The following RUSC1 variants were observed in gnomAD, a reference collection of about 807,000 sequenced individuals.
RUSC1 encodes the protein AP-4 complex accessory subunit RUSC1.
Under a neutral mutation model 72.1 loss-of-function variants are expected in RUSC1, and 40 were observed. The ratio of observed to expected loss-of-function variants is 0.55; its 90% CI spans 0.43 to 0.72. The LOEUF is 0.72. Ranked by LOEUF, RUSC1 falls within the 30% of genes least tolerant of loss-of-function variation. The probability of loss-of-function intolerance (pLI) is 0.00; values close to 1 mark genes in which losing one functional copy is unlikely to be tolerated. For synonymous variants in RUSC1, 512 were observed against 494.2 expected, an observed-to-expected ratio of 1.04 and a Z score of -0.48; for missense variants, 1,092 against 1,172.3, an observed-to-expected ratio of 0.93 and a Z score of 1.00.
chr1:155,330,460 G>T lies in RUSC1; in HGVS notation c.2598G>T (p.Arg866=). ...TAARPDQLSF[R]RGEVLRVITT... ...CAAGACCTGACCAGTTGAGCTTCCG[G>T]CGTGGGGAAGTGCTGCGTGTCATCA... The change falls in exon 10 of 10, where the codon CGG becomes CGT. Residue 866 remains arginine (R), a synonymous_variant. Coordinates refer to ENST00000368352, the MANE Select transcript of RUSC1 (RefSeq NM_001105203.2). 5 of 1,613,748 alleles carry T rather than the reference G, an allele frequency of 3.1e-6. No individual in the cohort carries two copies. Among genetic ancestry groups the T allele is most frequent in the Non-Finnish European group, 4.2e-6 (5 of 1,180,048 alleles).
In RUSC1 at chr1:155,325,402, G is replaced by T. The variant is rs773330576; in HGVS notation, c.1620G>T (p.Ala540=). The change falls in exon 5 of 10, where the codon GCG becomes GCT. Residue 540 remains alanine (A), a synonymous_variant. Coordinates refer to ENST00000368352, the MANE Select transcript of RUSC1 (RefSeq NM_001105203.2). The surrounding 1 kb of genome is among the most constrained non-coding windows in gnomAD (Gnocchi z 6.5). The part of the protein sequence containing the change: ...TLCPALHALV[A]DGLKPFRKDL... ...GCCCGGCCCTCCACGCCCTGGTGGC[G>T]GACGGGCTGAAGCCTTTCCGGAAGG... 64 of 1,592,104 alleles carry T rather than the reference G, an allele frequency of 4.0e-5. No individual in the cohort carries two copies. Among genetic ancestry groups the T allele is most frequent in the Non-Finnish European group, 4.9e-5 (58 of 1,173,672 alleles).
At chr1:155,324,233 C>A in intron 2 of RUSC1, 1 of 1,447,968 alleles carries the variant, frequency 6.9e-7, no homozygotes, top group African/African-American at 1.4e-5. Context: ...AGCTCATTGG[C>A]ACTAGAGGTT....
chr1:155,324,191 G>A, intron 2 of RUSC1: 1 of 1,399,892 alleles, frequency 7.1e-7, no homozygotes, highest in Non-Finnish European at 9.3e-7. Context: ...CCCCGACCTT[G>A]CTAGGGAGGG....
chr1:155,321,099 G>A, intron 1 of RUSC1, 108 bp downstream of exon 1: 1 of 1,394,212 alleles, frequency 7.2e-7, no homozygotes, highest in Non-Finnish European at 9.6e-7. Flanking sequence ...GGTGGTGGCT[G>A]AACGATGGAG....
At position 155,330,631 on chromosome 1, in the gene RUSC1, G is replaced by A; in HGVS notation, c.*60G>A. ...CTGTCACCTGGGAATGGAATGGCCA[G>A]TGAACACCATCCCAGAAGCATTTTC... On this transcript the variant is annotated 3_prime_UTR_variant, in exon 10 of 10. Coordinates refer to ENST00000368352, the MANE Select transcript of RUSC1 (RefSeq NM_001105203.2). The A allele has an allele frequency of 1.5e-5, 21 of 1,448,054 alleles. No individual in the cohort carries two copies. In the South Asian group the frequency reaches 2.6e-4, roughly 18 times the overall value. 89.7% of individuals were successfully genotyped at this position (1,448,054 alleles called of 1,614,324 possible). A position where few individuals can be genotyped will look rare whatever the true frequency, so the allele number is the denominator to read the frequency against.
rs780611972 is a variant in RUSC1 at position 155,326,868 on chromosome 1, C to A, written c.2150C>A (p.Pro717His). ...RGTSKEAASDPSDSPNLPTPG... is the reference protein window; with the variant it reads ...RGTSKEAASDHSDSPNLPTPG... ...ACTTCCAAGGAAGCTGCTTCAGACC[C>A]CTCTGACTCTCCAAACCTTCCCACA... The change falls in exon 8 of 10, where the codon CCC becomes CAC. Residue 717 changes from proline (P) to histidine (H), a missense_variant. Physicochemically the swap from Pro to His is moderately conservative, Grantham distance 77. Transcript: ENST00000368352. The surrounding 1 kb of genome is among the most constrained non-coding windows in gnomAD (Gnocchi z 4.7). 2 of 1,613,752 alleles carry A rather than the reference C, an allele frequency of 1.2e-6. No homozygotes were observed. The highest frequency in any genetic ancestry group is 1.7e-6 in the Non-Finnish European group (2 of 1,180,038).
In RUSC1 at chr1:155,321,878, G is replaced by T; in HGVS notation, c.105G>T (p.Gly35=). The part of the protein sequence containing the change: ...HLSRRPELQE[G]PLSTPPPPGD... ...CCCGCCGTCCTGAGCTACAGGAGGGGCCTTTGAGCACACCCCCTCCTCCAG... is the reference window on the plus strand; with the variant it reads ...CCCGCCGTCCTGAGCTACAGGAGGGTCCTTTGAGCACACCCCCTCCTCCAG... Residue 35 remains glycine, a synonymous_variant, in exon 2 of 10, where the codon GGG becomes GGT. Transcript: ENST00000368352. 1 of 1,613,268 alleles carries T rather than the reference G, an allele frequency of 6.2e-7. No individual in the cohort carries two copies. The highest frequency in any genetic ancestry group is 2.2e-5 in the East Asian group (1 of 44,882).
chr1:155,322,951 G>A lies in RUSC1; in HGVS notation c.1178G>A (p.Gly393Asp). The change falls in exon 2 of 10, where the codon GGC becomes GAC. Residue 393 changes from glycine to aspartate, a missense_variant. Coordinates refer to ENST00000368352, the MANE Select transcript of RUSC1 (RefSeq NM_001105203.2). ...GTCCCGCCTCGAGACCCCCCAGTTG[G>A]CTGGGCTTTGGTCCCGCCCCGGCCC... ...PPVPPRDPPV[G>D]WALVPPRPPP... The A allele has an allele frequency of 6.3e-7, 1 of 1,584,252 alleles. No individual in the cohort carries two copies. Among genetic ancestry groups the A allele is most frequent in the Middle Eastern group, 1.9e-4 (1 of 5,130 alleles).
At chr1:155,324,474 C>A in intron 2 of RUSC1, 1 of 1,610,042 alleles carries the variant, frequency 6.2e-7, no homozygotes, top group Non-Finnish European at 8.5e-7. Flanking sequence ...CGGGGCGGTG[C>A]GCTGGGCTAC....
At position 155,322,741 on chromosome 1, in the gene RUSC1, G is replaced by A; in HGVS notation, c.968G>A (p.Arg323His). Residue 323 changes from arginine (R) to histidine (H), a missense_variant, in exon 2 of 10, where the codon CGC becomes CAC. Arg to His is a conservative substitution (Grantham distance 29, BLOSUM62 0). Coordinates refer to ENST00000368352, the MANE Select transcript of RUSC1 (RefSeq NM_001105203.2). ...TCCTTCCACGAGCTGGCCCAGAAGC[G>A]CAAGCGGGGCCCAGGGCTGCCCCTT... ...ITSFHELAQK[R>H]KRGPGLPLVP... 6.2e-7 allele frequency: 1 copy of A among 1,614,112 alleles called. No homozygotes were observed. The highest frequency in any genetic ancestry group is 8.5e-7 in the Non-Finnish European group (1 of 1,179,988).
chr1:155,321,974 A>T lies in RUSC1; in HGVS notation c.201A>T (p.Pro67=), dbSNP rs776642447. The T allele has an allele frequency of 1.9e-6, 3 of 1,599,812 alleles. No individual in the cohort carries two copies. In the South Asian group the frequency reaches 3.4e-5, roughly 18 times the overall value. ...TGGTGGACGCCAATTCCAACAGCCC[A>T]GCTGTGCCCTGCCGGTGCTGCCAGG... ...GTLVDANSNS[P]AVPCRCCQEH... is the part of the protein sequence containing the mutation. Residue 67 remains proline (P), a synonymous_variant, in exon 2 of 10, where the codon CCA becomes CCT. Transcript: ENST00000368352.
At position 155,327,126 on chromosome 1, in the gene RUSC1, A is replaced by T; in HGVS notation, c.2408A>T (p.Lys803Met). 1.2e-6 allele frequency: 2 copies of T among 1,601,228 alleles called. No homozygotes were observed. Among genetic ancestry groups the T allele is most frequent in the Non-Finnish European group, 1.7e-6 (2 of 1,172,040 alleles). ...GCAGAAAATGAGAATGGAGCCCTAAAGTCCAGGTAATGGGGTACCTTGTCC... is the reference window on the plus strand; with the variant it reads ...GCAGAAAATGAGAATGGAGCCCTAATGTCCAGGTAATGGGGTACCTTGTCC... ...GPAENENGAL[K>M]SRRPSSWLPP... Residue 803 changes from lysine to methionine, a missense_variant, in exon 8 of 10, where the codon AAG becomes ATG. By Grantham distance (95) the Lys-to-Met change is moderately conservative (BLOSUM62 -1). Transcript: ENST00000368352.
At chr1:155,324,479 G>A in intron 2 of RUSC1, 1 of 1,609,810 alleles carries the variant, frequency 6.2e-7, no homozygotes, top group Non-Finnish European at 8.5e-7. Flanking sequence ...CGGTGCGCTG[G>A]GCTACACCTC....
chr1:155,324,891 G>C lies in RUSC1; in HGVS notation c.1404G>C (p.Leu468=). The C allele has an allele frequency of 6.2e-7, 1 of 1,614,256 alleles. No homozygotes were observed. The highest frequency in any genetic ancestry group is 8.5e-7 in the Non-Finnish European group (1 of 1,180,042). Residue 468 remains leucine, a synonymous_variant, in exon 3 of 10, where the codon CTG becomes CTC. Transcript: ENST00000368352. ...SFAGVPGAQR[L]WMAEAQSGTG... ...CCGGTGTCCCCGGAGCCCAGCGGCT[G>C]TGGATGGCAGAAGCCCAGAGTGGGA...
At chr1:155,327,657 G>C (rs1438373833) in intron 8 of RUSC1, among the ~76,000 whole-genome samples, 2 of 152,204 alleles carry the variant, frequency 1.3e-5, no homozygotes, top group Non-Finnish European at 2.9e-5. Context: ...AGCTGGGCAT[G>C]GTGGCACACA....
Position 155,326,933 on chromosome 1 carries a change from G to A in RUSC1, c.2215G>A (p.Val739Ile), listed in dbSNP as rs776528319. 1.2e-6 allele frequency: 2 copies of A among 1,613,840 alleles called. No homozygotes were observed. Among genetic ancestry groups the A allele is most frequent in the Non-Finnish European group, 1.7e-6 (2 of 1,180,038 alleles). ...WWEQLTQASR[V>I]YASGGTEGFP... ...GGAGCAGTTGACCCAGGCCTCCCGG[G>A]TCTATGCCTCTGGGGGCACTGAGGG... Residue 739 changes from valine (V) to isoleucine (I), a missense_variant, in exon 8 of 10, where the codon GTC (valine) becomes ATC (isoleucine). By Grantham distance (29) the Val-to-Ile change is conservative. Coordinates refer to ENST00000368352, the MANE Select transcript of RUSC1 (RefSeq NM_001105203.2). This position sits in a 1 kb window ranked among gnomAD's most constrained non-coding sequence, Gnocchi z 4.7.
At position 155,326,554 on chromosome 1, in the gene RUSC1, G is replaced by A. The variant is rs192742457; in HGVS notation, c.1862-26G>A. ...TTCTGGGACTAGGTCCAGGGCAGGA[G>A]CTGATGTTGGCCTGCTCTTTTCCAG... On this transcript the variant is annotated intron_variant, in intron 7 of 9. Transcript: ENST00000368352. This position sits in a 1 kb window ranked among gnomAD's most constrained non-coding sequence, Gnocchi z 4.7. 2.3e-4 allele frequency: 364 copies of A among 1,581,426 alleles called. 1 individual carries two copies. The African/African-American group carries it at 4.6e-3, about 20-fold the overall frequency.
chr1:155,321,175 G>A lies in RUSC1; in HGVS notation c.-87+184G>A, dbSNP rs370805843. Reference sequence around the variant, plus strand: ...CGAGGGCGCAGGCTGGAGCCCGGCCGAGGCAGCCAGCAGATGCGGAGTTGA... The same window carrying A: ...CGAGGGCGCAGGCTGGAGCCCGGCCAAGGCAGCCAGCAGATGCGGAGTTGA... On this transcript the variant is annotated intron_variant, in intron 1 of 9. Coordinates refer to ENST00000368352, the MANE Select transcript of RUSC1 (RefSeq NM_001105203.2). 7 of 1,372,154 alleles carry A rather than the reference G, an allele frequency of 5.1e-6. No individual in the cohort carries two copies. The African/African-American group carries it at 8.8e-5, about 17-fold the overall frequency. 85.0% of individuals were successfully genotyped at this position (1,372,154 alleles called of 1,614,324 possible). A position where few individuals can be genotyped will look rare whatever the true frequency, so the allele number is the denominator to read the frequency against.
chr1:155,321,162 C>A (rs757250361), intron 1 of RUSC1, 171 bp downstream of exon 1: 1 of 1,375,346 alleles, frequency 7.3e-7, no homozygotes, highest in South Asian at 1.1e-5. Context: ...AGGGCGCAGG[C>A]TGGAGCCCGG....
Sources: gnomAD v4.1 joint callset for allele counts (sites outside exome capture counted in the v4.1 genomes callset) on GRCh38, gnomAD v4.1.1 for gene constraint, Gnocchi (gnomAD v3.1) non-coding constraint, MANE v1.5 for transcripts, NCBI Gene and HGNC (gene_info 2026-07-23, HGNC 2026-07-21) for gene names.